The following CA5A variants were observed in gnomAD, a reference collection of about 807,000 sequenced individuals.
The protein encoded by CA5A is carbonic anhydrase 5A.
In CA5A, 28 loss-of-function variants were observed where a neutral mutation model predicts 37.1. The ratio of observed to expected loss-of-function variants is 0.75; its 90% CI spans 0.56 to 1.03. The LOEUF is 1.03. Ranked by LOEUF, CA5A falls within the 50% of genes least tolerant of loss-of-function variation. The pLI is 0.00. For missense variants in CA5A, 444 were observed against 399.9 expected, an observed-to-expected ratio of 1.11 and a Z score of -0.94; for synonymous variants, 171 against 158.4, an observed-to-expected ratio of 1.08 and a Z score of -0.60.
chr16:87,915,708 A>G (rs550087722), intron 2 of CA5A, among the ~76,000 whole-genome samples: 2,337 of 150,252 alleles, frequency 0.016, 30 homozygotes, highest in Non-Finnish European at 0.027. Context: ...AAAAAAAAAA[A>G]AAAAAAGGAA....
In CA5A at chr16:87,891,964, C is replaced by A; in HGVS notation, c.619-10G>T. ...TGGCCGCCCGCGCGTCCTGAGAGACCGAGAAGCACAGGACGTGTCAGTCCT... is the reference window on the plus strand; with the variant it reads ...TGGCCGCCCGCGCGTCCTGAGAGACAGAGAAGCACAGGACGTGTCAGTCCT... On this transcript the variant is annotated splice_polypyrimidine_tract_variant and intron_variant, in intron 5 of 6. Transcript: ENST00000649794. The A allele has an allele frequency of 2.0e-6, 3 of 1,526,594 alleles. No individual in the cohort carries two copies. The highest frequency in any genetic ancestry group is 2.2e-5 in the Admixed American group (1 of 45,370). The allele number at this position is 1,526,594 out of a possible 1,614,324, so 94.6% of individuals were successfully genotyped here. A position where few individuals can be genotyped will look rare whatever the true frequency, so the allele number is the denominator to read the frequency against.
At chr16:87,899,691 G>A (rs1295923147) in intron 5 of CA5A, among the ~76,000 whole-genome samples, 2 of 150,404 alleles carry the variant, frequency 1.3e-5, no homozygotes, top group East Asian at 2.0e-4. Context: ...AGGCCAAGGT[G>A]GGCAGATCAC....
chr16:87,924,759 G>C (rs1169026759), intron 2 of CA5A, among the ~76,000 whole-genome samples: 1 of 152,278 alleles, frequency 6.6e-6, no homozygotes, highest in Non-Finnish European at 1.5e-5. Flanking sequence ...CAGCGAGAGG[G>C]CATGAAGGTG....
chr16:87,908,735 G>T (rs1020968505), intron 2 of CA5A, among the ~76,000 whole-genome samples: 1 of 152,220 alleles, frequency 6.6e-6, no homozygotes, highest in African/African-American at 2.4e-5. Flanking sequence ...AGGGTTTCCA[G>T]CAGGGCTGGA....
At chr16:87,894,101 C>G (rs1404850394) in intron 5 of CA5A, among the ~76,000 whole-genome samples, 2 of 152,164 alleles carry the variant, frequency 1.3e-5, no homozygotes, top group Non-Finnish European at 2.9e-5. Flanking sequence ...ATTGCTGAAT[C>G]ATAGGGTAGT....
At chr16:87,923,826 C>T (rs1189009007) in intron 2 of CA5A, 7 of 984,962 alleles carry the variant, frequency 7.1e-6, no homozygotes, top group Non-Finnish European at 8.4e-6. Context: ...AATCCCATAG[C>T]AACTCATCTG....
At chr16:87,928,137 G>A (rs1373720413) in intron 1 of CA5A, among the ~76,000 whole-genome samples, 2 of 152,060 alleles carry the variant, frequency 1.3e-5, no homozygotes, top group Non-Finnish European at 2.9e-5. Flanking sequence ...ACCTTCACAG[G>A]CCTGAGCTAA....
intron 5 of CA5A, among the ~76,000 whole-genome samples, chr16:87,896,949 T>C (rs2055811057): frequency 6.6e-6 from 1 of 152,250 alleles, no homozygotes; most frequent in Non-Finnish European, 1.5e-5. Context: ...TGGTTTTGTC[T>C]TCTTTCTCTT....
At chr16:87,895,839 C>A (rs973044714) in intron 5 of CA5A, among the ~76,000 whole-genome samples, 1 of 152,224 alleles carries the variant, frequency 6.6e-6, no homozygotes, top group Non-Finnish European at 1.5e-5. Context: ...TGAGTTAGAG[C>A]TGTGTCCTTT....
intron 2 of CA5A, among the ~76,000 whole-genome samples, chr16:87,917,970 C>T (rs372479539): frequency 6.6e-6 from 1 of 152,198 alleles, no homozygotes. Context: ...GTCCTTGAAC[C>T]GCACAGCCAC....
chr16:87,883,828 G>A (rs1374346068), downstream of CA5A: 7 of 150,578 alleles, frequency 4.6e-5, no homozygotes. Flanking sequence ...TTTTAGTAGA[G>A]ACGGGGCTTC....
At chr16:87,926,723 C>G in intron 2 of CA5A, 25 bp downstream of exon 2, 1 of 1,585,840 alleles carries the variant, frequency 6.3e-7, no homozygotes, top group Non-Finnish European at 8.6e-7. Context: ...GAGGACAAAG[C>G]CCTCGAGCCC....
At chr16:87,923,120 C>A (rs561711521) in intron 2 of CA5A, among the ~76,000 whole-genome samples, 2 of 152,178 alleles carry the variant, frequency 1.3e-5, no homozygotes, top group Non-Finnish European at 2.9e-5. Flanking sequence ...TTTGTTCTTA[C>A]GTAAAATGAG....
intron 1 of CA5A, among the ~76,000 whole-genome samples, chr16:87,927,912 A>G (rs1177572258): frequency 6.6e-6 from 1 of 151,274 alleles, no homozygotes; most frequent in Non-Finnish European, 1.5e-5. Context: ...CAGCTGTCCC[A>G]TGATTGCACC....
chr16:87,922,858 G>A (rs750038551), intron 2 of CA5A, among the ~76,000 whole-genome samples: 4 of 152,262 alleles, frequency 2.6e-5, no homozygotes, highest in Non-Finnish European at 4.4e-5. Flanking sequence ...TCTTTGCAGA[G>A]CACGGAGTCC....
At chr16:87,921,642 G>T (rs1036131491) in intron 2 of CA5A, among the ~76,000 whole-genome samples, 1 of 152,180 alleles carries the variant, frequency 6.6e-6, no homozygotes, top group African/African-American at 2.4e-5. Context: ...ATGGGAGTCG[G>T]GGATGGGCTC....
intron 5 of CA5A, among the ~76,000 whole-genome samples, chr16:87,898,729 ATT>A (rs59375883): frequency 1.9e-4 from 22 of 115,052 alleles, no homozygotes; most frequent in Middle Eastern, 5.0e-3. Flanking sequence ...TCTAGTGTGG[ATT>A]TTTTTTTTTT....
chr16:87,912,799 C>G (rs1480242953), intron 2 of CA5A, among the ~76,000 whole-genome samples: 1 of 152,278 alleles, frequency 6.6e-6, no homozygotes, highest in East Asian at 1.9e-4. Context: ...AAGATAATGG[C>G]GGCTCCAGGC....
At chr16:87,936,220 G>T in intron 1 of CA5A, 89 bp downstream of exon 1, 2 of 860,022 alleles carry the variant, frequency 2.3e-6, no homozygotes, top group Non-Finnish European at 3.7e-6. Flanking sequence ...CATCTGGCTC[G>T]GGACGGTCTC....
Sources: allele counts gnomAD v4.1 joint callset (sites outside exome capture counted in the v4.1 genomes callset), GRCh38; gene constraint gnomAD v4.1.1; transcripts MANE v1.5; gene names NCBI Gene and HGNC (gene_info 2026-07-23, HGNC 2026-07-21).